Variants in LIMA1 observed in about 807,000 individuals in gnomAD.
The protein encoded by LIMA1 is LIM domain and actin-binding protein 1.
Under a neutral mutation model 62.6 loss-of-function variants are expected in LIMA1, and 52 were observed. The observed-to-expected ratio is 0.83, with a 90% confidence interval of 0.67 to 1.05. LIMA1 has a LOEUF of 1.05. Ranked by LOEUF, LIMA1 falls within the 50% of genes least tolerant of loss-of-function variation. The probability of loss-of-function intolerance (pLI) is 0.00; values close to 1 mark genes in which losing one functional copy is unlikely to be tolerated. For synonymous variants in LIMA1, 302 were observed against 317.8 expected (o/e 0.95, Z 0.53); for missense variants, 780 against 902.2 (o/e 0.86, Z 1.74).
At chr12:50,258,905 C>T (rs965290759) in intron 1 of LIMA1, among the ~76,000 whole-genome samples, 2 of 152,070 alleles carry the variant, frequency 1.3e-5, no homozygotes, top group African/African-American at 4.8e-5. Flanking sequence ...CTCGGCCCCC[C>T]AAAGTGCTGG....
intron 2 of LIMA1, among the ~76,000 whole-genome samples, chr12:50,237,113 A>G (rs1322285851): frequency 6.6e-6 from 1 of 152,236 alleles, no homozygotes; most frequent in Non-Finnish European, 1.5e-5. Flanking sequence ...TTCTGCTCCC[A>G]GAATTTGTCC....
intron 1 of LIMA1, among the ~76,000 whole-genome samples, chr12:50,282,671 G>T (rs1189019905): frequency 1.3e-5 from 2 of 152,202 alleles, no homozygotes; most frequent in Admixed American, 1.3e-4. Context: ...GTCCAAGGCA[G>T]ACTTTTGAAA....
chr12:50,244,760 C>T (rs141872471), intron 2 of LIMA1, among the ~76,000 whole-genome samples: 1 of 152,308 alleles, frequency 6.6e-6, no homozygotes, highest in East Asian at 1.9e-4. Flanking sequence ...TCTTAACTCT[C>T]CTTAGTGCTA....
chr12:50,283,106 A>G (rs1942359835), intron 1 of LIMA1, among the ~76,000 whole-genome samples: 1 of 152,124 alleles, frequency 6.6e-6, no homozygotes, highest in African/African-American at 2.4e-5. Flanking sequence ...AGTTTTAATG[A>G]ATTGTCACCT....
At chr12:50,215,815 C>T (rs904036892) in intron 4 of LIMA1, among the ~76,000 whole-genome samples, 14 of 151,928 alleles carry the variant, frequency 9.2e-5, no homozygotes, top group Admixed American at 5.2e-4. Flanking sequence ...TTTGGAAGGC[C>T]GAGGTGGGTG....
chr12:50,239,600 A>G (rs556739061), intron 2 of LIMA1, among the ~76,000 whole-genome samples: 2 of 151,978 alleles, frequency 1.3e-5, no homozygotes, highest in Admixed American at 1.3e-4. Context: ...AGATAGCACC[A>G]CCACACTCCA....
chr12:50,257,313 G>A (rs1466255872), intron 1 of LIMA1, among the ~76,000 whole-genome samples: 1 of 152,110 alleles, frequency 6.6e-6, no homozygotes, highest in Non-Finnish European at 1.5e-5. Context: ...TGTCCAGGCT[G>A]GTCTCAAATT....
Position 50,177,780 on chromosome 12 carries a change from G to A in LIMA1, c.1564C>T (p.Pro522Ser), listed in dbSNP as rs1285712108. 1 of 1,614,092 alleles carries A rather than the reference G, an allele frequency of 6.2e-7. No individual in the cohort carries two copies. Among genetic ancestry groups the A allele is most frequent in the Non-Finnish European group, 8.5e-7 (1 of 1,180,008 alleles). Residue 522 changes from proline (P) to serine (S), a missense_variant, in exon 11 of 11, where the codon CCA (proline) becomes TCA (serine). Physicochemically the swap from Pro to Ser is moderately conservative, Grantham distance 74. Transcript: ENST00000341247. ...ASSQQEKEDK[P>S]AETKKLRIAW... Reference sequence around the variant, plus strand: ...ATCCTCAGCTTCTTGGTTTCAGCTGGCTTGTCTTCCTTCTCCTGCTGAGAG... The same window carrying A: ...ATCCTCAGCTTCTTGGTTTCAGCTGACTTGTCTTCCTTCTCCTGCTGAGAG...
At chr12:50,274,189 T>A (rs1942248175) in intron 1 of LIMA1, among the ~76,000 whole-genome samples, 2 of 152,214 alleles carry the variant, frequency 1.3e-5, no homozygotes, top group Admixed American at 1.3e-4. Context: ...CTTGTCCAAA[T>A]GAAAAGTCCA....
At chr12:50,248,550 T>TA in intron 2 of LIMA1, 83 bp downstream of exon 2, 1 of 838,654 alleles carries the variant, frequency 1.2e-6, no homozygotes. Context: ...TTTTACATTA[T>TA]GTACTTCCTT....
chr12:50,209,567 CAAAAAAAA>C (rs1203309856), intron 4 of LIMA1, among the ~76,000 whole-genome samples: 3 of 61,686 alleles, frequency 4.9e-5, no homozygotes, highest in African/African-American at 1.7e-4. Context: ...GACTCCATCT[CAAAAAAAA>C]AAAAAAAAAA....
intron 4 of LIMA1, among the ~76,000 whole-genome samples, chr12:50,210,784 C>T (rs1592523246): frequency 5.3e-5 from 8 of 152,096 alleles, no homozygotes; most frequent in Admixed American, 5.2e-4. Context: ...AAGCCTTTTG[C>T]TCCATGGGGG....
chr12:50,277,969 T>C (rs1942294416), intron 1 of LIMA1, among the ~76,000 whole-genome samples: 1 of 152,178 alleles, frequency 6.6e-6, no homozygotes, highest in Non-Finnish European at 1.5e-5. Flanking sequence ...CCTATCAAAT[T>C]AGTAAAGATT....
At chr12:50,225,150 C>G (rs958625653) in intron 3 of LIMA1, among the ~76,000 whole-genome samples, 1 of 152,128 alleles carries the variant, frequency 6.6e-6, no homozygotes, top group African/African-American at 2.4e-5. Flanking sequence ...GATCTGCCTG[C>G]CTCGGCCTCC....
rs1940396611 is a variant in LIMA1, at chr12:50,178,046, T to C, written c.1298A>G (p.His433Arg). 2.0e-6 allele frequency: 3 copies of C among 1,537,552 alleles called. No individual in the cohort carries two copies. Among genetic ancestry groups the C allele is most frequent in the Admixed American group, 2.2e-5 (1 of 45,978 alleles). ...GTGAGGCTTACAATAGATTCTTCCATGTAAAGATGCATATGTTCCTAGACT... is the reference window on the plus strand; with the variant it reads ...GTGAGGCTTACAATAGATTCTTCCACGTAAAGATGCATATGTTCCTAGACT... ...KLSLGTYASL[H>R]GRIYCKPHFN... The change falls in exon 11 of 11, where the codon CAT (histidine) becomes CGT (arginine). Residue 433 changes from histidine (H) to arginine (R), a missense_variant. Coordinates refer to ENST00000341247, the MANE Select transcript of LIMA1 (RefSeq NM_016357.5).
chr12:50,227,028 T>C (rs1299540138), intron 3 of LIMA1, among the ~76,000 whole-genome samples: 3 of 151,556 alleles, frequency 2.0e-5, no homozygotes, highest in Non-Finnish European at 4.4e-5. Flanking sequence ...CTGTATATGA[T>C]GTTATTCATC....
intron 1 of LIMA1, 124 bp downstream of exon 1, chr12:50,283,296 C>T (rs1173393648): frequency 6.6e-6 from 1 of 152,112 alleles, no homozygotes; most frequent in Non-Finnish European, 1.5e-5. Context: ...GACCCCTTAT[C>T]TCGAGGGGGA....
At chr12:50,223,488 C>CAA (rs5798135) in intron 3 of LIMA1, among the ~76,000 whole-genome samples, 80 of 131,992 alleles carry the variant, frequency 6.1e-4, no homozygotes, top group African/African-American at 1.3e-3. Context: ...ATCCCCCAAC[C>CAA]AAAAAAAAAA....
rs1445595389 is a variant in LIMA1, at chr12:50,193,997, A to ATT, written c.1031-1438_1031-1437dup. Among the ~76,000 whole-genome samples, 194 of 140,330 alleles carry ATT rather than the reference A, an allele frequency of 1.4e-3. 1 individual carries two copies. The highest frequency in any genetic ancestry group is 3.7e-3 in the Middle Eastern group (1 of 268). The allele number at this position is 140,330 out of a possible 152,430, so 92.1% of individuals were successfully genotyped here. ...TATATACATATATATATATATATATATTTTTTTTGAGATGGATTTTCACTC... is the reference window on the plus strand; with the variant it reads ...TATATACATATATATATATATATATATTTTTTTTTTGAGATGGATTTTCACTC... On this transcript the variant is annotated intron_variant, in intron 8 of 10. Coordinates refer to ENST00000341247, the MANE Select transcript of LIMA1 (RefSeq NM_016357.5).
Sources: gnomAD v4.1 joint callset for allele counts (sites outside exome capture counted in the v4.1 genomes callset) on GRCh38, gnomAD v4.1.1 for gene constraint, MANE v1.5 for transcripts, NCBI Gene and HGNC (gene_info 2026-07-23, HGNC 2026-07-21) for gene names.